The following COLEC11 variants were observed in gnomAD, a reference collection of about 807,000 sequenced individuals.
COLEC11 encodes collectin-11.
COLEC11 carries 20 observed loss-of-function variants against 27.3 expected under a neutral mutation model. The observed-to-expected ratio is 0.73, with a 90% CI of 0.51 to 1.06. The LOEUF is 1.06. COLEC11 is among the 50% of genes least tolerant of loss of function. The pLI, the probability that COLEC11 is intolerant of heterozygous loss-of-function variation, is 0.00. For synonymous variants in COLEC11, 163 were observed against 154.7 expected (o/e 1.05, Z -0.40); for missense variants, 310 against 383.0 (o/e 0.81, Z 1.59).
In COLEC11 at chr2:3,604,385, C is replaced by T. The variant is rs1662469256; in HGVS notation, c.45C>T (p.Ala15=). Reference sequence around the variant, plus strand: ...TGGTGGGCGTTCTAATCAGCCTGGCCTTCCTGTCACTGCTGCCATCTGGAC... The same window carrying T: ...TGGTGGGCGTTCTAATCAGCCTGGCTTTCCTGTCACTGCTGCCATCTGGAC... ...LALVGVLISL[A]FLSLLPSGHP... is the part of the protein sequence containing the mutation. Residue 15 remains alanine (A), a synonymous_variant, in exon 2 of 7, where the codon GCC becomes GCT. Coordinates refer to ENST00000349077, the MANE Select transcript of COLEC11 (RefSeq NM_024027.5). 1.9e-6 allele frequency: 3 copies of T among 1,614,128 alleles called. No individual in the cohort carries two copies. Among genetic ancestry groups the T allele is most frequent in the African/African-American group, 1.3e-5 (1 of 74,946 alleles).
intron 3 of COLEC11, among the ~76,000 whole-genome samples, chr2:3,619,648 C>T (rs985217124): frequency 5.9e-5 from 9 of 152,132 alleles, no homozygotes; most frequent in African/African-American, 1.2e-4. Flanking sequence ...GTTTTTGAGA[C>T]GGAGTCTTGC....
At chr2:3,606,192 A>G (rs768596832) in intron 2 of COLEC11, 4 of 1,550,336 alleles carry the variant, frequency 2.6e-6, no homozygotes, top group Middle Eastern at 1.7e-4. Flanking sequence ...TCCCTGCCCA[A>G]TGTGGTGGGT....
chr2:3,603,569 A>G lies in COLEC11; in HGVS notation c.-26-746A>G, dbSNP rs1372120296. ...CGACTTTAGGTGATCTGCCCACCTC[A>G]GCCTCCCAAAGTGCTGGAATTACAG... On this transcript the variant is annotated intron_variant, in intron 1 of 6. Coordinates refer to ENST00000349077, the MANE Select transcript of COLEC11 (RefSeq NM_024027.5). The G allele has an allele frequency of 2.8e-6, 4 of 1,403,538 alleles. No individual in the cohort carries two copies. In the African/African-American group the frequency reaches 4.3e-5, roughly 15 times the overall value. 86.9% of individuals were successfully genotyped at this position (1,403,538 alleles called of 1,614,324 possible).
chr2:3,615,604 T>C (rs186282911), intron 3 of COLEC11, among the ~76,000 whole-genome samples: 3,615 of 152,318 alleles, frequency 0.024, 153 homozygotes, highest in African/African-American at 0.08. Flanking sequence ...CTTTTCTATT[T>C]GACAAAACCG....
intron 3 of COLEC11, among the ~76,000 whole-genome samples, chr2:3,616,403 C>T (rs1427977977): frequency 1.3e-5 from 2 of 151,952 alleles, no homozygotes; most frequent in African/African-American, 2.4e-5. Flanking sequence ...GAGGCCAAGG[C>T]AGGCGGCTGG....
intron 1 of COLEC11, among the ~76,000 whole-genome samples, chr2:3,599,541 GCCACACGCATTAATTA>G (rs1452555805): frequency 6.6e-6 from 1 of 152,238 alleles, no homozygotes; most frequent in East Asian, 1.9e-4. Context: ...GGGTCACGGT[GCCACACGCATTAATTA>G]CCGCTGCAAT....
At chr2:3,640,424 G>GTGGA (rs1665759131) in intron 5 of COLEC11, 93 bp downstream of exon 5, 1 of 737,262 alleles carries the variant, frequency 1.4e-6, no homozygotes, top group Non-Finnish European at 2.4e-6. Flanking sequence ...AGATCCCACA[G>GTGGA]TGGACACCCA....
Position 3,604,315 on chromosome 2 carries a change from G to C in COLEC11, c.-26G>C. On this transcript the variant is annotated splice_region_variant and 5_prime_UTR_variant, in exon 2 of 7. Coordinates refer to ENST00000349077, the MANE Select transcript of COLEC11 (RefSeq NM_024027.5). ...ACTGTTTATTCCTTCCTCTGTGTAGGAGTTGGTGTCCTGCCTGCGCTCAGG... is the reference window on the plus strand; with the variant it reads ...ACTGTTTATTCCTTCCTCTGTGTAGCAGTTGGTGTCCTGCCTGCGCTCAGG... 1 of 1,613,600 alleles carries C rather than the reference G, an allele frequency of 6.2e-7. No homozygotes were observed. Among genetic ancestry groups the C allele is most frequent in the Non-Finnish European group, 8.5e-7 (1 of 1,179,808 alleles).
At chr2:3,617,029 C>T (rs1249384043) in intron 3 of COLEC11, among the ~76,000 whole-genome samples, 2 of 152,136 alleles carry the variant, frequency 1.3e-5, no homozygotes, top group South Asian at 2.1e-4. Context: ...CTGCAGTCAG[C>T]ATGAAACTGT....
chr2:3,604,281 G>C, intron 1 of COLEC11, 34 bp from the exon 2 acceptor site: 1 of 1,611,890 alleles, frequency 6.2e-7, no homozygotes, highest in Non-Finnish European at 8.5e-7. Context: ...GGCTGTTGCA[G>C]TTCCCATCAC....
chr2:3,630,584 G>A (rs1479998502), intron 3 of COLEC11, among the ~76,000 whole-genome samples: 1 of 152,130 alleles, frequency 6.6e-6, no homozygotes, highest in East Asian at 1.9e-4. Flanking sequence ...AGCCAAACTG[G>A]GAAAGTTGGA....
rs1558480013 is a variant in COLEC11, at chr2:3,595,142, C to CG, written c.-52dup. 1 of 348,664 alleles carries CG rather than the reference C, an allele frequency of 2.9e-6. No homozygotes were observed. Among genetic ancestry groups the CG allele is most frequent in the African/African-American group, 2.2e-5 (1 of 46,020 alleles). 21.6% of individuals were successfully genotyped at this position (348,664 alleles called of 1,614,324 possible). Reference sequence around the variant, plus strand: ...CCTCGCGGGCCAGCGACGGGCAGGACGCCCCGTTCGCCTAGCGCGTGCTCA... The same window carrying CG: ...CCTCGCGGGCCAGCGACGGGCAGGACGGCCCCGTTCGCCTAGCGCGTGCTCA... On this transcript the variant is annotated 5_prime_UTR_variant, in exon 1 of 7. Transcript: ENST00000349077.
rs1321668518 is a variant in COLEC11, at chr2:3,602,981, G to T, written c.-26-1334G>T. ...TAGGAATAAAAACATAAATGTTCTT[G>T]CTCTACTCCTGGTGCCTAGAGCTGT... On this transcript the variant is annotated intron_variant, in intron 1 of 6. Transcript: ENST00000349077. This position sits in a 1 kb window ranked among gnomAD's most constrained non-coding sequence, Gnocchi z 6.2. Among the ~76,000 whole-genome samples, 1 of 152,188 alleles carries T rather than the reference G, an allele frequency of 6.6e-6. No individual in the cohort carries two copies. Among genetic ancestry groups the T allele is most frequent in the African/African-American group, 2.4e-5 (1 of 41,434 alleles).
chr2:3,613,413 C>T (rs776689726), intron 3 of COLEC11, 31 bp downstream of exon 3: 4 of 1,563,894 alleles, frequency 2.6e-6, no homozygotes, highest in Non-Finnish European at 2.6e-6. Context: ...GCCCTCAGAG[C>T]TCTGAGGATG....
intron 3 of COLEC11, among the ~76,000 whole-genome samples, chr2:3,620,223 C>T (rs543471887): frequency 6.6e-6 from 1 of 152,090 alleles, no homozygotes; most frequent in African/African-American, 2.4e-5. Flanking sequence ...TTTTTGACTA[C>T]AGAATCAGTC....
At chr2:3,638,864 C>T (rs1162586762) in intron 4 of COLEC11, among the ~76,000 whole-genome samples, 1 of 152,218 alleles carries the variant, frequency 6.6e-6, no homozygotes, top group Non-Finnish European at 1.5e-5. Context: ...GTGTACAATT[C>T]AGGGACATTG....
chr2:3,618,664 G>A lies in COLEC11; in HGVS notation c.202+5282G>A, dbSNP rs1663959274. 3.3e-5 allele frequency among the ~76,000 whole-genome samples: 5 copies of A among 152,104 alleles called. No homozygotes were observed. In the South Asian group the frequency reaches 1.0e-3, roughly 32 times the overall value. On this transcript the variant is annotated intron_variant, in intron 3 of 6. Coordinates refer to ENST00000349077, the MANE Select transcript of COLEC11 (RefSeq NM_024027.5). ...GCTTAAGGCTGCTTTGGCTATACAT[G>A]ACCTTTTATGGTTTTACATGAATTT...
chr2:3,616,506 G>A (rs1164835687), intron 3 of COLEC11, among the ~76,000 whole-genome samples: 2 of 152,186 alleles, frequency 1.3e-5, no homozygotes, highest in Admixed American at 1.3e-4. Flanking sequence ...TCTGCAATCC[G>A]GGCACCTCGG....
chr2:3,643,572 C>G (rs769162221), intron 6 of COLEC11, 33 bp downstream of exon 6: 1 of 1,603,326 alleles, frequency 6.2e-7, no homozygotes, highest in South Asian at 1.1e-5. Context: ...CTCGCTCCCT[C>G]CCACCTCCCA....
Sources: allele counts gnomAD v4.1 joint callset (sites outside exome capture counted in the v4.1 genomes callset), GRCh38; gene constraint gnomAD v4.1.1; non-coding constraint Gnocchi (gnomAD v3.1); transcripts MANE v1.5; gene names NCBI Gene and HGNC (gene_info 2026-07-23, HGNC 2026-07-21).